RYR2: variants seen among roughly 807,000 people sequenced by gnomAD.
RYR2 encodes cardiac muscle ryanodine receptor-calcium release channel.
RYR2 carries 227 observed loss-of-function variants against 601.1 expected under a neutral mutation model. That is an observed-to-expected ratio of 0.38 (90% confidence interval 0.34 to 0.42). RYR2 has a LOEUF of 0.42. Ranked by LOEUF, RYR2 falls within the 10% of genes least tolerant of loss-of-function variation. The probability of loss-of-function intolerance (pLI) is 1.00; values close to 1 mark genes in which losing one functional copy is unlikely to be tolerated. For missense variants in RYR2, 4,646 were observed against 6,156.5 expected, an observed-to-expected ratio of 0.75 and a Z score of 8.21; for synonymous variants, 2,223 against 2,175.1, an observed-to-expected ratio of 1.02 and a Z score of -0.61.
At chr1:237,405,361 A>G (rs1203683830) in intron 10 of RYR2, among the ~76,000 whole-genome samples, 1 of 152,208 alleles carries the variant, frequency 6.6e-6, no homozygotes, top group East Asian at 1.9e-4. Flanking sequence ...TCTCCCCTCA[A>G]ATATATCCAC....
chr1:237,602,096 G>T lies in RYR2; in HGVS notation c.4668G>T (p.Glu1556Asp), dbSNP rs370332700. The change falls in exon 35 of 105, where the codon GAG becomes GAT. Residue 1556 changes from glutamate (E) to aspartate (D), a missense_variant. By Grantham distance (45) the Glu-to-Asp change is conservative. This residue lies in a region of RYR2 where 1,807 missense variants were observed against 2,088.1 expected (regional missense o/e 0.87). Coordinates refer to ENST00000366574, the MANE Select transcript of RYR2 (RefSeq NM_001035.3). ...CAAGTCCCAATGTTTTCCAGTTTGA[G>T]TTGGGAAGAATAAAGGTAATAAAAC... ...QATSPNVFQF[E>D]LGRIKNVMPL... is the part of the protein sequence containing the mutation. 6 of 1,612,442 alleles carry T rather than the reference G, an allele frequency of 3.7e-6. No homozygotes were observed. The Admixed American group carries it at 6.7e-5, about 18-fold the overall frequency.
intron 10 of RYR2, among the ~76,000 whole-genome samples, chr1:237,400,157 A>G (rs143449362): frequency 4.6e-5 from 7 of 152,338 alleles, no homozygotes; most frequent in Non-Finnish European, 7.3e-5. Context: ...TCAAACTCTT[A>G]CTATAGAGGA....
intron 87 of RYR2, among the ~76,000 whole-genome samples, chr1:237,775,908 T>G (rs538905405): frequency 6.6e-6 from 1 of 152,268 alleles, no homozygotes; most frequent in African/African-American, 2.4e-5. Flanking sequence ...GCAAAGGACA[T>G]TCTGTGTGTT....
At chr1:237,749,898 C>T (rs1165226486) in intron 80 of RYR2, among the ~76,000 whole-genome samples, 1 of 152,120 alleles carries the variant, frequency 6.6e-6, no homozygotes, top group African/African-American at 2.4e-5. Flanking sequence ...GTAATCCCAG[C>T]ACTTTGGGAG....
intron 41 of RYR2, among the ~76,000 whole-genome samples, chr1:237,628,585 G>T (rs990056663): frequency 6.6e-6 from 1 of 152,004 alleles, no homozygotes; most frequent in African/African-American, 2.4e-5. Flanking sequence ...ATTCCATGGT[G>T]TATATGTGCC....
intron 97 of RYR2, among the ~76,000 whole-genome samples, chr1:237,799,351 A>G (rs1383844947): frequency 6.6e-6 from 1 of 152,180 alleles, no homozygotes; most frequent in Non-Finnish European, 1.5e-5. Flanking sequence ...AACAAGCAAT[A>G]TAGAATTAAA....
chr1:237,770,985 C>T (rs1694225879), intron 85 of RYR2, 98 bp downstream of exon 85: 1 of 637,142 alleles, frequency 1.6e-6, no homozygotes, highest in African/African-American at 1.8e-5. Context: ...ATGCATCGTT[C>T]TAGAGACAAC....
chr1:237,445,348 T>A (rs1708235737), intron 13 of RYR2, 53 bp from the exon 14 acceptor site: 1 of 1,607,560 alleles, frequency 6.2e-7, no homozygotes, highest in African/African-American at 1.3e-5. Context: ...TCCCTAACTC[T>A]AGTTTGGAAA....
At chr1:237,148,527 A>ATATATATATATATATATATATATACACAC (rs1158996552) in intron 1 of RYR2, among the ~76,000 whole-genome samples, 1 of 83,920 alleles carries the variant, frequency 1.2e-5, no homozygotes, top group African/African-American at 4.3e-5. Flanking sequence ...AAAAAAAAAA[A>ATATATATATATATATATATATATACACAC]ATATATATAT....
At chr1:237,617,162 A>G in intron 37 of RYR2, 124 bp from the exon 38 acceptor site, 1 of 921,308 alleles carries the variant, frequency 1.1e-6, no homozygotes, top group Non-Finnish European at 1.6e-6. Flanking sequence ...CCTATACAAA[A>G]TCAGGATTCT....
At chr1:237,325,455 G>A (rs530721014) in intron 2 of RYR2, among the ~76,000 whole-genome samples, 76 of 152,230 alleles carry the variant, frequency 5.0e-4, no homozygotes, top group African/African-American at 1.2e-3. Context: ...TTGGGAGGCC[G>A]AGGCAGGCGG....
At chr1:237,045,868 GGTT>G (rs1413476340) in intron 1 of RYR2, among the ~76,000 whole-genome samples, 16 of 103,590 alleles carry the variant, frequency 1.5e-4, no homozygotes, top group African/African-American at 6.1e-4. Flanking sequence ...CCTTGGTCAA[GGTT>G]TTTTTTTTTT....
At chr1:237,539,854 T>C (rs576718588) in intron 25 of RYR2, among the ~76,000 whole-genome samples, 9 of 152,260 alleles carry the variant, frequency 5.9e-5, no homozygotes, top group Middle Eastern at 3.4e-3. Flanking sequence ...AAAAATAAAA[T>C]GTTTTTTTAA....
chr1:237,251,965 T>TA (rs1356110412), intron 1 of RYR2, among the ~76,000 whole-genome samples: 4 of 151,952 alleles, frequency 2.6e-5, no homozygotes, highest in Non-Finnish European at 4.4e-5. Flanking sequence ...ATTCCATTTT[T>TA]AAAAAAAATA....
chr1:237,718,270 A>AT (rs146628150), intron 72 of RYR2, among the ~76,000 whole-genome samples, 192 bp from the exon 73 acceptor site: 5 of 152,330 alleles, frequency 3.3e-5, no homozygotes, highest in Non-Finnish European at 7.4e-5. Context: ...AAAGCAGGTC[A>AT]TTACCTTGCT....
chr1:237,436,950 TG>T (rs1707447939), intron 12 of RYR2, among the ~76,000 whole-genome samples: 4 of 151,644 alleles, frequency 2.6e-5, no homozygotes, highest in African/African-American at 9.7e-5. Flanking sequence ...GGCTTCATTA[TG>T]AGTCAGGTTG....
At chr1:237,365,865 A>T (rs527295066) in intron 5 of RYR2, among the ~76,000 whole-genome samples, 1 of 152,340 alleles carries the variant, frequency 6.6e-6, no homozygotes, top group East Asian at 1.9e-4. Context: ...AAATAGAAAG[A>T]TGATGTAGAA....
At position 237,634,433 on chromosome 1, in the gene RYR2, G is replaced by A. The variant is rs188644546; in HGVS notation, c.6689-456G>A. On this transcript the variant is annotated intron_variant, in intron 43 of 104. Transcript: ENST00000366574. ...TCAAAGTCGAACTCATAGAAACAGA[G>A]AGTAGAATGAGGTTACCAGGTGTAG... Among the ~76,000 whole-genome samples, 7 of 152,254 alleles carry A rather than the reference G, an allele frequency of 4.6e-5. No individual in the cohort carries two copies. In the East Asian group the frequency reaches 9.7e-4, roughly 21 times the overall value.
At chr1:237,324,316 C>A (rs1186016365) in intron 2 of RYR2, among the ~76,000 whole-genome samples, 1 of 152,132 alleles carries the variant, frequency 6.6e-6, no homozygotes, top group African/African-American at 2.4e-5. Flanking sequence ...AAACAACAAC[C>A]ACCACTTTAT....
Sources: gnomAD v4.1 joint callset for allele counts (sites outside exome capture counted in the v4.1 genomes callset) on GRCh38, gnomAD v4.1.1 for gene constraint, gnomAD v4.1.1 regional missense constraint, MANE v1.5 for transcripts, NCBI Gene and HGNC (gene_info 2026-07-23, HGNC 2026-07-21) for gene names.